Variants in PEAK1 observed in about 807,000 individuals in gnomAD.
The protein encoded by PEAK1 is inactive tyrosine-protein kinase PEAK1.
Under a neutral mutation model 124.7 loss-of-function variants are expected in PEAK1, and 54 were observed. That is an observed-to-expected ratio of 0.43 (90% CI 0.35 to 0.54). PEAK1 has a LOEUF of 0.54. Among genes scored for constraint, PEAK1 ranks in the 20% least tolerant of loss-of-function variants. PEAK1 has a pLI of 0.01. For synonymous variants in PEAK1, 719 were observed against 760.0 expected (o/e 0.95, Z 0.89); for missense variants, 2,046 against 2,134.5 (o/e 0.96, Z 0.82).
In PEAK1 at chr15:77,287,309, A is replaced by G. The variant is rs192848956; in HGVS notation, c.-602-805T>C. ...CTAGCACATAGCAGCTCATGAAATG[A>G]TACGAATTAAAAAATATTTGTCAAG... is the stretch of plus-strand genomic sequence containing the variant. On this transcript the variant is annotated intron_variant, in intron 2 of 9. Transcript: ENST00000682557. Among the ~76,000 whole-genome samples, 15 of 152,396 alleles carry G rather than the reference A, an allele frequency of 9.8e-5. No homozygotes were observed. In the East Asian group the frequency reaches 1.5e-3, roughly 16 times the overall value.
At chr15:77,216,572 G>A (rs2059157337) in intron 6 of PEAK1, among the ~76,000 whole-genome samples, 1 of 152,166 alleles carries the variant, frequency 6.6e-6, no homozygotes, top group Non-Finnish European at 1.5e-5. Flanking sequence ...TTTACAAATG[G>A]ATAACTTCTT....
At position 77,180,243 on chromosome 15, in the gene PEAK1, T is replaced by G; in HGVS notation, c.1684A>C (p.Arg562=). ...GGTGCTGATTTGTGACAGTTTTTCC[T>G]TGGAGGAACATTTGGTCCAGTTCCA... The part of the protein sequence containing the change: ...TSGTGPNVPP[R]KNCHKSAPTS... Residue 562 remains arginine (R), a synonymous_variant, in exon 7 of 10, where the codon AGG becomes CGG. Coordinates refer to ENST00000682557, the MANE Select transcript of PEAK1 (RefSeq NM_001385026.1). 6.2e-7 allele frequency: 1 copy of G among 1,614,196 alleles called. No homozygotes were observed. The highest frequency in any genetic ancestry group is 8.5e-7 in the Non-Finnish European group (1 of 1,180,024).
intron 6 of PEAK1, among the ~76,000 whole-genome samples, chr15:77,207,770 CATT>C (rs2058731110): frequency 6.6e-6 from 1 of 152,076 alleles, no homozygotes; most frequent in Admixed American, 6.5e-5. Context: ...ACACAGTTGT[CATT>C]ATACATTTGT....
chr15:77,170,016 T>C (rs537597254), intron 7 of PEAK1, among the ~76,000 whole-genome samples: 13 of 152,284 alleles, frequency 8.5e-5, no homozygotes, highest in African/African-American at 2.9e-4. Context: ...AATAGGGTCA[T>C]CCGAATATTT....
At chr15:77,377,916 T>TAGAGC in intron 1 of PEAK1, among the ~76,000 whole-genome samples, 1 of 152,230 alleles carries the variant, frequency 6.6e-6, no homozygotes, top group East Asian at 1.9e-4. Flanking sequence ...AAAATCACCT[T>TAGAGC]AGAGCCCAAC....
chr15:77,413,982 C>T (rs2072623797), intron 1 of PEAK1, among the ~76,000 whole-genome samples: 1 of 151,962 alleles, frequency 6.6e-6, no homozygotes, highest in Admixed American at 6.6e-5. Context: ...TGCCACCACA[C>T]CCGGCTAATT....
In PEAK1 at chr15:77,329,090, A is replaced by C. The variant is rs546889967; in HGVS notation, c.-603+36073T>G. 3.3e-5 allele frequency among the ~76,000 whole-genome samples: 5 copies of C among 152,290 alleles called. No homozygotes were observed. The South Asian group carries it at 1.0e-3, about 32-fold the overall frequency. On this transcript the variant is annotated intron_variant, in intron 2 of 9. Transcript: ENST00000682557. Reference sequence around the variant, plus strand: ...AATGAAACAAAGCACATTTATTTTTAATTAATGGGCTAAGATACAACCAAC... The same window carrying C: ...AATGAAACAAAGCACATTTATTTTTCATTAATGGGCTAAGATACAACCAAC...
chr15:77,204,073 A>G (rs1304609162), intron 6 of PEAK1, among the ~76,000 whole-genome samples: 1 of 152,234 alleles, frequency 6.6e-6, no homozygotes, highest in African/African-American at 2.4e-5. Context: ...ACAATAAGAA[A>G]ATGAACAACC....
At chr15:77,381,226 C>A in intron 1 of PEAK1, 1 of 983,084 alleles carries the variant, frequency 1.0e-6, no homozygotes, top group Non-Finnish European at 1.2e-6. Context: ...GCAAGGAAAC[C>A]AACTCAACAT....
intron 2 of PEAK1, among the ~76,000 whole-genome samples, chr15:77,326,325 T>C (rs914217672): frequency 1.3e-5 from 2 of 152,168 alleles, no homozygotes; most frequent in African/African-American, 4.8e-5. Flanking sequence ...CAAACCATAA[T>C]ACTTGGTCTT....
intron 2 of PEAK1, among the ~76,000 whole-genome samples, chr15:77,293,978 T>A (rs983915397): frequency 3.9e-5 from 6 of 152,246 alleles, no homozygotes; most frequent in Non-Finnish European, 7.3e-5. Context: ...AGTGTGTTGA[T>A]TTGTTGCTTC....
chr15:77,324,727 G>A (rs987423129), intron 2 of PEAK1, among the ~76,000 whole-genome samples: 1 of 152,098 alleles, frequency 6.6e-6, no homozygotes, highest in African/African-American at 2.4e-5. Flanking sequence ...ACGGATAGGA[G>A]GTGCCACACA....
intron 2 of PEAK1, among the ~76,000 whole-genome samples, chr15:77,340,312 T>C (rs1053160218): frequency 3.9e-5 from 6 of 152,180 alleles, no homozygotes; most frequent in South Asian, 2.1e-4. Context: ...TATCAAACCA[T>C]AGAACATACA....
chr15:77,394,001 G>T (rs751623703), intron 1 of PEAK1, among the ~76,000 whole-genome samples: 1 of 152,268 alleles, frequency 6.6e-6, no homozygotes, highest in East Asian at 1.9e-4. Context: ...TACTCACCAC[G>T]GGCCTGGGAC....
intron 6 of PEAK1, among the ~76,000 whole-genome samples, chr15:77,247,278 T>C (rs986092827): frequency 2.7e-4 from 41 of 152,216 alleles, no homozygotes; most frequent in African/African-American, 9.6e-4. Flanking sequence ...TTCTCAATTT[T>C]AGGAAGAAAG....
chr15:77,265,234 C>G (rs948477908), intron 5 of PEAK1, among the ~76,000 whole-genome samples: 12 of 152,212 alleles, frequency 7.9e-5, no homozygotes, highest in East Asian at 5.8e-4. Flanking sequence ...GCAATGGCAA[C>G]AAAAGCCAAA....
At position 77,286,487 on chromosome 15, in the gene PEAK1, A is replaced by G; in HGVS notation, c.-585T>C. 8.1e-7 allele frequency: 1 copy of G among 1,228,640 alleles called. No individual in the cohort carries two copies. The highest frequency in any genetic ancestry group is 1.0e-6 in the Non-Finnish European group (1 of 985,348). The allele number at this position is 1,228,640 out of a possible 1,614,324, so 76.1% of individuals were successfully genotyped here. ...CTTCCTTTTCTTTCCTTACAAATGGATCTCAAGTATTCTTTTCCTATTAGA... is the reference window on the plus strand; with the variant it reads ...CTTCCTTTTCTTTCCTTACAAATGGGTCTCAAGTATTCTTTTCCTATTAGA... On this transcript the variant is annotated 5_prime_UTR_variant, in exon 3 of 10. Coordinates refer to ENST00000682557, the MANE Select transcript of PEAK1 (RefSeq NM_001385026.1).
chr15:77,165,507 C>A (rs554673165), intron 7 of PEAK1, among the ~76,000 whole-genome samples: 1 of 152,178 alleles, frequency 6.6e-6, no homozygotes, highest in East Asian at 1.9e-4. Context: ...CTTGGAACAG[C>A]CTTTCTGGGG....
intron 6 of PEAK1, chr15:77,239,932 A>AT: frequency 4.3e-6 from 3 of 703,168 alleles, no homozygotes; most frequent in Non-Finnish European, 5.2e-6. Flanking sequence ...TTCTGTTTGT[A>AT]TTTTTTAAAA....
Sources: allele counts gnomAD v4.1 joint callset (sites outside exome capture counted in the v4.1 genomes callset), GRCh38; gene constraint gnomAD v4.1.1; transcripts MANE v1.5; gene names NCBI Gene and HGNC (gene_info 2026-07-23, HGNC 2026-07-21).